The following LAMA1 variants were observed in gnomAD, a reference collection of about 807,000 sequenced individuals.
The protein encoded by LAMA1 is laminin subunit alpha-1.
LAMA1 carries 219 observed loss-of-function variants against 348.7 expected under a neutral mutation model. The ratio of observed to expected loss-of-function variants is 0.63; its 90% confidence interval spans 0.56 to 0.70. The LOEUF is 0.70. Ranked by LOEUF, LAMA1 falls within the 30% of genes least tolerant of loss-of-function variation. The pLI, the probability that LAMA1 is intolerant of heterozygous loss-of-function variation, is 0.00. For missense variants in LAMA1, 3,744 were observed against 3,888.0 expected (o/e 0.96, Z 0.99); for synonymous variants, 1,487 against 1,491.0 (o/e 1.00, Z 0.06).
Position 7,050,945 on chromosome 18 carries a change from A to G in LAMA1, c.346-9T>C. 1 of 1,613,992 alleles carries G rather than the reference A, an allele frequency of 6.2e-7. No individual in the cohort carries two copies. The highest frequency in any genetic ancestry group is 8.5e-7 in the Non-Finnish European group (1 of 1,179,950). The stretch of plus-strand genomic sequence containing the variant: ...TATGCAACTTGAAAGACCTGAAACA[A>G]AGACACTGAAAAGTCTCAATCCAGA... On this transcript the variant is annotated splice_polypyrimidine_tract_variant and intron_variant, in intron 3 of 62. Coordinates refer to ENST00000389658, the MANE Select transcript of LAMA1 (RefSeq NM_005559.4).
chr18:7,042,253 G>C lies in LAMA1; in HGVS notation c.1156-3C>G. On this transcript the variant is annotated splice_region_variant and splice_polypyrimidine_tract_variant and intron_variant, in intron 8 of 62. Transcript: ENST00000389658. ...GGCTCATCCTCATAAGGAGACACCT[G>C]AAAGGCAGAGGTTGCCCTGGATTCT... 1 of 1,578,962 alleles carries C rather than the reference G, an allele frequency of 6.3e-7. No homozygotes were observed. The highest frequency in any genetic ancestry group is 2.2e-5 in the East Asian group (1 of 44,504).
Position 7,115,812 on chromosome 18 carries a change from T to TACAAAACAAA in LAMA1, c.61+1847_61+1848insTTTGTTTTGT, listed in dbSNP as rs546493094. On this transcript the variant is annotated intron_variant, in intron 1 of 62. Coordinates refer to ENST00000389658, the MANE Select transcript of LAMA1 (RefSeq NM_005559.4). Reference sequence around the variant, plus strand: ...GGTGAAACCCTGTCTCCACTAAAAATACAAAAAAAAAAAAAAAAAAATAGC... The same window carrying TACAAAACAAA: ...GGTGAAACCCTGTCTCCACTAAAAATACAAAACAAAACAAAAAAAAAAAAAAAAAAATAGC... Among the ~76,000 whole-genome samples the TACAAAACAAA allele has an allele frequency of 4.9e-3, 80 of 16,206 alleles. 1 individual carries two copies. The East Asian group carries it at 0.095, about 19-fold the overall frequency. The allele number at this position is 16,206 out of a possible 152,430, so 10.6% of individuals were successfully genotyped here. A position where few individuals can be genotyped will look rare whatever the true frequency, so the allele number is the denominator to read the frequency against.
intron 18 of LAMA1, 139 bp from the exon 19 acceptor site, chr18:7,023,514 C>T: frequency 1.3e-6 from 1 of 753,900 alleles, no homozygotes; most frequent in East Asian, 2.6e-5. Flanking sequence ...ATATGACTCC[C>T]CACTCGGGCA....
In LAMA1 at chr18:7,038,797, T is replaced by C; in HGVS notation, c.1563+13A>G. 6.2e-7 allele frequency: 1 copy of C among 1,613,182 alleles called. No individual in the cohort carries two copies. The highest frequency in any genetic ancestry group is 8.5e-7 in the Non-Finnish European group (1 of 1,179,568). The stretch of plus-strand genomic sequence containing the variant: ...TGCTCATTAAATCCCGCCGCGCAGA[T>C]GGCGCCTCCCACCTGACCAACAGGC... On this transcript the variant is annotated intron_variant, in intron 11 of 62. Coordinates refer to ENST00000389658, the MANE Select transcript of LAMA1 (RefSeq NM_005559.4).
At chr18:7,078,508 T>C (rs1238782920) in intron 3 of LAMA1, among the ~76,000 whole-genome samples, 1 of 151,894 alleles carries the variant, frequency 6.6e-6, no homozygotes, top group African/African-American at 2.4e-5. Context: ...TATTAAGGAG[T>C]GTCACATTAA....
chr18:6,944,632 G>A (rs1429049201), intron 61 of LAMA1, among the ~76,000 whole-genome samples: 1 of 152,220 alleles, frequency 6.6e-6, no homozygotes, highest in East Asian at 1.9e-4. Context: ...GGAAGACCAT[G>A]TGAGAACACA....
chr18:6,951,395 G>A (rs1416914480), intron 57 of LAMA1, among the ~76,000 whole-genome samples: 1 of 152,252 alleles, frequency 6.6e-6, no homozygotes, highest in Non-Finnish European at 1.5e-5. Flanking sequence ...ACATCAGGAA[G>A]CCCACCTGAG....
At position 6,971,874 on chromosome 18, in the gene LAMA1, G is replaced by A. The variant is rs199998473; in HGVS notation, c.6882C>T (p.Cys2294=). The A allele has an allele frequency of 4.5e-5, 72 of 1,614,048 alleles. No individual in the cohort carries two copies. The highest frequency in any genetic ancestry group is 5.3e-5 in the Non-Finnish European group (62 of 1,180,014). ...CATCTTACCTTCCGAAGCACCCACG[G>A]CACTTGCCTTCCCTTTCAATATAGT... is the stretch of plus-strand genomic sequence containing the variant. The part of the protein sequence containing the change: ...LWNYIEREGK[C]RGCFGSSQNE... Residue 2294 remains cysteine (C), a synonymous_variant, in exon 48 of 63, where the codon TGC becomes TGT. Transcript: ENST00000389658.
At chr18:6,955,023 T>G (rs536799406) in intron 57 of LAMA1, 7 of 378,642 alleles carry the variant, frequency 1.8e-5, no homozygotes, top group South Asian at 1.5e-4. Context: ...AGGGAATGCT[T>G]AAAGTGGAAT....
At chr18:6,979,120 C>T (rs7229776) in intron 42 of LAMA1, among the ~76,000 whole-genome samples, 2,440 of 151,704 alleles carry the variant, frequency 0.016, 64 homozygotes, top group African/African-American at 0.056. Flanking sequence ...TCTGTAGGCT[C>T]GAAATTATTT....
chr18:7,092,816 T>A (rs77234133), intron 1 of LAMA1, among the ~76,000 whole-genome samples: 5,331 of 152,156 alleles, frequency 0.035, 138 homozygotes, highest in Non-Finnish European at 0.057. Flanking sequence ...CATACATACA[T>A]CATACATCAT....
chr18:7,105,853 T>C (rs1333327255), intron 1 of LAMA1, among the ~76,000 whole-genome samples: 1 of 152,230 alleles, frequency 6.6e-6, no homozygotes, highest in African/African-American at 2.4e-5. Flanking sequence ...AAGAAGGGTC[T>C]TGGCGAATGA....
At chr18:6,957,151 C>T (rs933489259) in intron 55 of LAMA1, 3 of 312,790 alleles carry the variant, frequency 9.6e-6, no homozygotes, top group East Asian at 8.1e-5. Context: ...TTCTTGTTTA[C>T]GTGCTTCCCC....
At chr18:7,116,975 T>C (rs900229908) in intron 1 of LAMA1, among the ~76,000 whole-genome samples, 2 of 151,850 alleles carry the variant, frequency 1.3e-5, no homozygotes, top group Non-Finnish European at 2.9e-5. Flanking sequence ...CCACGGTCAA[T>C]CCCGCGCAGT....
intron 3 of LAMA1, among the ~76,000 whole-genome samples, chr18:7,053,038 A>G (rs2058068316): frequency 6.6e-6 from 1 of 152,204 alleles, no homozygotes; most frequent in South Asian, 2.1e-4. Flanking sequence ...TAAATAAATA[A>G]ATAAACAAAC....
At chr18:7,026,190 G>GA (rs970735295) in intron 16 of LAMA1, 84 bp from the exon 17 acceptor site, 5,952 of 1,321,790 alleles carry the variant, frequency 4.5e-3, no homozygotes, top group Non-Finnish European at 5.3e-3. Flanking sequence ...AGTCCAAGCG[G>GA]AAAAAAAAAA....
At chr18:6,973,815 C>T (rs772112485) in intron 46 of LAMA1, among the ~76,000 whole-genome samples, 1 of 152,220 alleles carries the variant, frequency 6.6e-6, no homozygotes, top group Non-Finnish European at 1.5e-5. Context: ...GGGTCTTGCT[C>T]TGTCGCCCAG....
intron 48 of LAMA1, among the ~76,000 whole-genome samples, chr18:6,968,499 T>C (rs2057643922): frequency 6.6e-6 from 1 of 152,174 alleles, no homozygotes; most frequent in Non-Finnish European, 1.5e-5. Flanking sequence ...AAATGTGTGA[T>C]GTATGTGGAC....
chr18:7,023,170 A>C lies in LAMA1; in HGVS notation c.2695T>G (p.Cys899Gly), dbSNP rs1163722572. Residue 899 changes from cysteine to glycine, a missense_variant, in exon 19 of 63, where the codon TGC (cysteine) becomes GGC (glycine). Transcript: ENST00000389658. ...TTCACGCTCACGCACTCACCGCGGC[A>C]GTTCTTGGCTGTCACAGCGTCCCCA... ...FYGDAVTAKN[C>G]RACECHVKGS... The C allele has an allele frequency of 1.2e-6, 2 of 1,612,298 alleles. No individual in the cohort carries two copies. Among genetic ancestry groups the C allele is most frequent in the Non-Finnish European group, 1.7e-6 (2 of 1,179,772 alleles).
Sources: gnomAD v4.1 joint callset for allele counts (sites outside exome capture counted in the v4.1 genomes callset) on GRCh38, gnomAD v4.1.1 for gene constraint, MANE v1.5 for transcripts, NCBI Gene and HGNC (gene_info 2026-07-23, HGNC 2026-07-21) for gene names.